PLEKHG7: variants seen among roughly 807,000 people sequenced by gnomAD.
The protein encoded by PLEKHG7 is pleckstrin homology domain-containing family G member 7.
PLEKHG7 carries 77 observed loss-of-function variants against 85.2 expected under a neutral mutation model. The ratio of observed to expected loss-of-function variants is 0.90; its 90% CI spans 0.75 to 1.09. PLEKHG7 has a LOEUF of 1.09. Among genes scored for constraint, PLEKHG7 ranks in the 50% least tolerant of loss-of-function variants. The pLI, the probability that PLEKHG7 is intolerant of heterozygous loss-of-function variation, is 0.00. For synonymous variants in PLEKHG7, 301 were observed against 302.4 expected (o/e 1.00, Z 0.05); for missense variants, 777 against 804.3 (o/e 0.97, Z 0.41).
intron 2 of PLEKHG7, chr12:92,707,360 T>A: frequency 1.4e-6 from 2 of 1,429,690 alleles, no homozygotes; most frequent in Non-Finnish European, 1.8e-6. Context: ...CTTTCTTCTG[T>A]CCTTAGAGGC....
chr12:92,761,726 A>C, intron 13 of PLEKHG7, 26 bp from the exon 14 acceptor site: 1 of 1,545,860 alleles, frequency 6.5e-7, no homozygotes, highest in East Asian at 2.5e-5. Flanking sequence ...TCAGGTCCCC[A>C]TTTCAGCTTC....
At chr12:92,767,387 T>G (rs1249051483) in intron 15 of PLEKHG7, among the ~76,000 whole-genome samples, 2 of 152,202 alleles carry the variant, frequency 1.3e-5, no homozygotes, top group Non-Finnish European at 2.9e-5. Context: ...TTATAGTTTT[T>G]GAGGAAAATG....
In PLEKHG7 at chr12:92,706,577, CA is replaced by C; in HGVS notation, c.-54del. On this transcript the variant is annotated 5_prime_UTR_variant, in exon 2 of 17. It removes the in-frame stop codon of an upstream open reading frame in the 5' UTR. Coordinates refer to ENST00000344636, the MANE Select transcript of PLEKHG7 (RefSeq NM_001377329.1). The stretch of plus-strand genomic sequence containing the variant: ...AGCACCCTCCATGTGATCCAGAGAA[CA>C]GCAACTCATACGTCTTCTGGAACCT... 1 of 1,525,418 alleles carries C rather than the reference CA, an allele frequency of 6.6e-7. No homozygotes were observed. The highest frequency in any genetic ancestry group is 8.8e-7 in the Non-Finnish European group (1 of 1,140,366). 94.5% of individuals were successfully genotyped at this position (1,525,418 alleles called of 1,614,324 possible). A position where few individuals can be genotyped will look rare whatever the true frequency, so the allele number is the denominator to read the frequency against.
intron 7 of PLEKHG7, among the ~76,000 whole-genome samples, chr12:92,738,426 C>T (rs1321444348): frequency 6.6e-5 from 10 of 152,360 alleles, no homozygotes; most frequent in Admixed American, 3.9e-4. Flanking sequence ...CAAGCCCTGG[C>T]TCTGCCTCTG....
At chr12:92,761,888 A>G in intron 14 of PLEKHG7, 57 bp downstream of exon 14, 1 of 1,459,126 alleles carries the variant, frequency 6.9e-7, no homozygotes, top group Admixed American at 3.0e-5. Flanking sequence ...ATGAGTTTAG[A>G]AATATTTCTA....
chr12:92,770,111 A>T lies in PLEKHG7; in HGVS notation c.1992A>T (p.Thr664=), dbSNP rs770558189. 6.2e-7 allele frequency: 1 copy of T among 1,604,526 alleles called. No individual in the cohort carries two copies. Among genetic ancestry groups the T allele is most frequent in the Non-Finnish European group, 8.5e-7 (1 of 1,176,552 alleles). The change falls in exon 17 of 17, where the codon ACA becomes ACT. Residue 664 remains threonine, a synonymous_variant. Coordinates refer to ENST00000344636, the MANE Select transcript of PLEKHG7 (RefSeq NM_001377329.1). ...NIKKTWMAQI[T]TAISCFTKSQ... ...AGAAAACATGGATGGCACAAATAAC[A>T]ACTGCAATTTCTTGCTTTACCAAGA...
At chr12:92,737,739 G>GGGAGGGAGGGAGGAAGGGAGGGAGTGAA (rs147862697) in intron 7 of PLEKHG7, among the ~76,000 whole-genome samples, 1 of 126,456 alleles carries the variant, frequency 7.9e-6, no homozygotes, top group Non-Finnish European at 1.7e-5. Context: ...GAGGGAGGAA[G>GGGAGGGAGGGAGGAAGGGAGGGAGTGAA]GGAGGGAGGG....
At chr12:92,744,814 T>C (rs987250835) in intron 9 of PLEKHG7, among the ~76,000 whole-genome samples, 2 of 152,022 alleles carry the variant, frequency 1.3e-5, no homozygotes, top group Non-Finnish European at 2.9e-5. Context: ...TACAGGCCCA[T>C]GCTGCCATGC....
At position 92,723,078 on chromosome 12, in the gene PLEKHG7, G is replaced by T. The variant is rs571840575; in HGVS notation, c.531-5915G>T. On this transcript the variant is annotated intron_variant, in intron 3 of 16. Transcript: ENST00000344636. ...TTTCAGGCAGACAAAGTACAGCTAG[G>T]CAGGCAGATGGGAACTACCTGAGCC... Among the ~76,000 whole-genome samples, 117 of 152,308 alleles carry T rather than the reference G, an allele frequency of 7.7e-4. 2 individuals are homozygous for T. In the South Asian group the frequency reaches 0.017, roughly 22 times the overall value.
chr12:92,760,181 A>C (rs1445302988), intron 13 of PLEKHG7, among the ~76,000 whole-genome samples: 1 of 152,192 alleles, frequency 6.6e-6, no homozygotes, highest in Non-Finnish European at 1.5e-5. Context: ...ATTCAGCAGC[A>C]AGGAAATGTA....
chr12:92,735,172 C>G (rs1417039891), intron 5 of PLEKHG7, among the ~76,000 whole-genome samples: 1 of 152,206 alleles, frequency 6.6e-6, no homozygotes, highest in East Asian at 1.9e-4. Flanking sequence ...TCTTTTCCAA[C>G]TGGCTGCTGA....
intron 5 of PLEKHG7, 105 bp downstream of exon 5, chr12:92,732,378 G>C: frequency 1.6e-6 from 1 of 636,340 alleles, no homozygotes; most frequent in East Asian, 3.4e-5. Flanking sequence ...TTTGTATAAA[G>C]GCAGATGGCA....
chr12:92,740,826 A>T, intron 7 of PLEKHG7, 27 bp from the exon 8 acceptor site: 1 of 1,462,990 alleles, frequency 6.8e-7, no homozygotes, highest in Non-Finnish European at 9.5e-7. Context: ...AACAGAAATT[A>T]ATGTGTATAT....
chr12:92,749,999 A>ATTATTTTATTTTATTTTATT (rs55645352), intron 10 of PLEKHG7, among the ~76,000 whole-genome samples: 173 of 93,668 alleles, frequency 1.8e-3, no homozygotes, highest in African/African-American at 5.9e-3. Context: ...ATTTTATTTT[A>ATTATTTTATTTTATTTTATT]TTATTTTATT....
intron 6 of PLEKHG7, among the ~76,000 whole-genome samples, 189 bp downstream of exon 6, chr12:92,736,766 T>C (rs533263459): frequency 3.3e-5 from 5 of 152,256 alleles, no homozygotes; most frequent in African/African-American, 1.2e-4. Context: ...CTGGGGAAAG[T>C]CGTTTTATCT....
chr12:92,736,782 A>G (rs1320289209), intron 6 of PLEKHG7, among the ~76,000 whole-genome samples: 1 of 152,196 alleles, frequency 6.6e-6, no homozygotes, highest in Non-Finnish European at 1.5e-5. Flanking sequence ...TATCTTAAAT[A>G]AGGTAACAAA....
Position 92,706,522 on chromosome 12 carries a change from A to G in PLEKHG7, c.-110A>G. 7.5e-7 allele frequency: 1 copy of G among 1,334,714 alleles called. No homozygotes were observed. The highest frequency in any genetic ancestry group is 1.0e-6 in the Non-Finnish European group (1 of 987,168). The allele number at this position is 1,334,714 out of a possible 1,614,324, so 82.7% of individuals were successfully genotyped here. ...TCTGGAAAAGGAAAAGAACTACGAG[A>G]GGAAGCATGGCACTTGGATGCAGAA... On this transcript the variant is annotated 5_prime_UTR_variant, in exon 2 of 17. Transcript: ENST00000344636.
chr12:92,739,275 G>C (rs1340029662), intron 7 of PLEKHG7, among the ~76,000 whole-genome samples: 1 of 152,190 alleles, frequency 6.6e-6, no homozygotes, highest in Non-Finnish European at 1.5e-5. Flanking sequence ...AAATCCTCTA[G>C]CTCTGTAAAG....
At chr12:92,738,606 T>TA (rs1872253035) in intron 7 of PLEKHG7, among the ~76,000 whole-genome samples, 1 of 152,256 alleles carries the variant, frequency 6.6e-6, no homozygotes, top group Non-Finnish European at 1.5e-5. Flanking sequence ...CCTAAAGGAA[T>TA]GTGCATGACT....
Sources: allele counts gnomAD v4.1 joint callset (sites outside exome capture counted in the v4.1 genomes callset), GRCh38; gene constraint gnomAD v4.1.1; transcripts MANE v1.5; gene names NCBI Gene and HGNC (gene_info 2026-07-23, HGNC 2026-07-21).